Variants in STXBP4 observed in about 807,000 individuals in gnomAD.
STXBP4 encodes the protein syntaxin-binding protein 4.
In STXBP4, 55 loss-of-function variants were observed where a neutral mutation model predicts 76.1. The ratio of observed to expected loss-of-function variants is 0.72; its 90% confidence interval spans 0.58 to 0.91. The LOEUF (loss-of-function observed/expected upper bound fraction) is 0.91, where lower values mean the gene tolerates loss of function less well. Ranked by LOEUF, STXBP4 falls within the 40% of genes least tolerant of loss-of-function variation. The probability of loss-of-function intolerance (pLI) is 0.00; values close to 1 mark genes in which losing one functional copy is unlikely to be tolerated. For missense variants in STXBP4, 618 were observed against 636.9 expected, an observed-to-expected ratio of 0.97 and a Z score of 0.32; for synonymous variants, 201 against 220.2, an observed-to-expected ratio of 0.91 and a Z score of 0.77.
chr17:55,181,378 A>G, the STXBP4 span, among the ~76,000 whole-genome samples: 2 of 152,238 alleles, frequency 1.3e-5, no homozygotes, highest in Admixed American at 6.5e-5. Flanking sequence ...ATACAATGAG[A>G]GGATAAAGCA....
chr17:55,137,352 GTTTGTAACAAT>G (rs2080043493), intron 16 of STXBP4, among the ~76,000 whole-genome samples: 1 of 143,394 alleles, frequency 7.0e-6, no homozygotes, highest in Non-Finnish European at 1.5e-5. Flanking sequence ...ACCTATTTGA[GTTTGTAACAAT>G]TTTGTAACAC....
At chr17:55,130,004 T>G (rs2079957594) in intron 16 of STXBP4, among the ~76,000 whole-genome samples, 2 of 152,334 alleles carry the variant, frequency 1.3e-5, no homozygotes, top group Non-Finnish European at 1.5e-5. Flanking sequence ...GGACTCTATG[T>G]GTCGCCACTT....
chr17:55,086,386 C>T lies in STXBP4; in HGVS notation c.1489+5203C>T, dbSNP rs80186247. Among the ~76,000 whole-genome samples, 868 of 152,142 alleles carry T rather than the reference C, an allele frequency of 5.7e-3. 2 individuals carry two copies. The highest frequency in any genetic ancestry group is 1.0e-2 in the Non-Finnish European group (677 of 67,986). On this transcript the variant is annotated intron_variant, in intron 16 of 17. Coordinates refer to ENST00000376352, the MANE Select transcript of STXBP4 (RefSeq NM_178509.6). ...CTATCATCTCAAACATTGATCATTT[C>T]CTTTGGTTGGGAACATTCAATATCC...
intron 16 of STXBP4, among the ~76,000 whole-genome samples, chr17:55,139,282 T>C (rs1212537515): frequency 1.3e-5 from 2 of 152,166 alleles, no homozygotes; most frequent in Non-Finnish European, 2.9e-5. Context: ...TAAAAGATAC[T>C]GTCTTGAAAG....
At chr17:55,112,262 C>T (rs2079729641) in intron 16 of STXBP4, among the ~76,000 whole-genome samples, 1 of 152,118 alleles carries the variant, frequency 6.6e-6, no homozygotes, top group African/African-American at 2.4e-5. Flanking sequence ...CTCTGATCAA[C>T]TCCATCATCA....
At chr17:55,185,157 C>T in the STXBP4 span, among the ~76,000 whole-genome samples, 1 of 152,042 alleles carries the variant, frequency 6.6e-6, no homozygotes, top group East Asian at 1.9e-4. Flanking sequence ...AGGCATGAAC[C>T]ACCACCTGGC....
In STXBP4 at chr17:55,173,417, T is replaced by C. The variant is rs1230113991; in HGVS notation, c.*13506T>C. The C allele has an allele frequency of 6.6e-6, 1 of 152,346 alleles. No homozygotes were observed. Among genetic ancestry groups the C allele is most frequent in the Admixed American group, 6.5e-5 (1 of 15,302 alleles). The allele number at this position is 152,346 out of a possible 1,614,324, so 9.4% of individuals were successfully genotyped here. ...TTCGAGAATATCATATAAATAATCA[T>C]GTATTATGTAACATTCTGAGACAGG... On this transcript the variant is annotated 3_prime_UTR_variant, in exon 18 of 18. Transcript: ENST00000376352.
rs2078559272 is a variant in STXBP4, at chr17:55,034,185, A to G, written c.781A>G (p.Arg261Gly). The G allele has an allele frequency of 1.2e-6, 2 of 1,612,604 alleles. No individual in the cohort carries two copies. Among genetic ancestry groups the G allele is most frequent in the South Asian group, 1.1e-5 (1 of 90,850 alleles). ...CATTTTAGATTTTGTCCAGGTTGCC[A>G]GAAACTTGTTTTGCTTGCAGTTGGA... ...VSFGDFVQVA[R>G]NLFCLQLDEV... Residue 261 changes from arginine to glycine, a missense_variant, in exon 10 of 18, where the codon AGA becomes GGA. Coordinates refer to ENST00000376352, the MANE Select transcript of STXBP4 (RefSeq NM_178509.6).
At chr17:55,024,187 TACTC>T (rs1241911806) in intron 8 of STXBP4, among the ~76,000 whole-genome samples, 1 of 152,246 alleles carries the variant, frequency 6.6e-6, no homozygotes, top group Admixed American at 6.5e-5. Context: ...TCTCATGTGA[TACTC>T]ACGGGATTGT....
chr17:55,031,626 A>G (rs1246086846), intron 9 of STXBP4, among the ~76,000 whole-genome samples: 2 of 152,146 alleles, frequency 1.3e-5, no homozygotes, highest in African/African-American at 4.8e-5. Flanking sequence ...TTCAGCTAAT[A>G]TAATATAGTA....
chr17:55,101,574 A>G (rs192086164), intron 16 of STXBP4, among the ~76,000 whole-genome samples: 2 of 152,342 alleles, frequency 1.3e-5, no homozygotes, highest in Admixed American at 6.5e-5. Context: ...TAATGAATGA[A>G]TTCCTCATTA....
At chr17:55,139,142 A>T (rs1387382798) in intron 16 of STXBP4, among the ~76,000 whole-genome samples, 1 of 152,146 alleles carries the variant, frequency 6.6e-6, no homozygotes, top group African/African-American at 2.4e-5. Context: ...GTACCTTTAT[A>T]AGTCTGTTAT....
intron 8 of STXBP4, among the ~76,000 whole-genome samples, chr17:55,011,696 A>G (rs2078116461): frequency 6.6e-6 from 1 of 151,878 alleles, no homozygotes; most frequent in African/African-American, 2.4e-5. Context: ...CCTAATTAGC[A>G]TTTTAGTGAG....
intron 12 of STXBP4, among the ~76,000 whole-genome samples, chr17:55,068,849 A>G (rs930308443): frequency 6.6e-6 from 1 of 152,150 alleles, no homozygotes; most frequent in Non-Finnish European, 1.5e-5. Context: ...TGAGATTCTA[A>G]CCTAGTTATG....
At chr17:55,057,931 C>G (rs2078950178) in intron 12 of STXBP4, among the ~76,000 whole-genome samples, 1 of 152,154 alleles carries the variant, frequency 6.6e-6, no homozygotes, top group Admixed American at 6.6e-5. Context: ...ATATATGCCA[C>G]ATTTTCTTCA....
At chr17:55,096,786 G>A (rs2079492401) in intron 16 of STXBP4, among the ~76,000 whole-genome samples, 3 of 152,050 alleles carry the variant, frequency 2.0e-5, no homozygotes, top group African/African-American at 7.2e-5. Context: ...CCTAGGTAAA[G>A]ACCTTAAAAC....
intron 9 of STXBP4, 29 bp downstream of exon 9, chr17:55,031,293 T>C (rs1019709527): frequency 1.4e-5 from 21 of 1,481,594 alleles, no homozygotes; most frequent in Non-Finnish European, 1.7e-5. Context: ...TGTTGTATTA[T>C]CACTGAATCA....
intron 12 of STXBP4, among the ~76,000 whole-genome samples, chr17:55,060,214 T>G (rs964366040): frequency 6.6e-6 from 1 of 152,156 alleles, no homozygotes. Context: ...ACTATTCAGC[T>G]TTTCTTATGT....
At chr17:55,085,913 G>A (rs566501855) in intron 16 of STXBP4, among the ~76,000 whole-genome samples, 1 of 152,214 alleles carries the variant, frequency 6.6e-6, no homozygotes, top group African/African-American at 2.4e-5. Flanking sequence ...GAAATTCTGT[G>A]GGTTTTAGGA....
Sources: gnomAD v4.1 joint callset for allele counts (sites outside exome capture counted in the v4.1 genomes callset) on GRCh38, gnomAD v4.1.1 for gene constraint, MANE v1.5 for transcripts, NCBI Gene and HGNC (gene_info 2026-07-23, HGNC 2026-07-21) for gene names.